The following JRK variants were observed in gnomAD, a reference collection of about 807,000 sequenced individuals.
JRK encodes jerky protein homolog.
For synonymous variants in JRK, 303 were observed against 218.1 expected, an observed-to-expected ratio of 1.39 and a Z score of -3.43; for missense variants, 720 against 509.2, an observed-to-expected ratio of 1.41 and a Z score of -3.98.
chr8:142,651,656 G>GA, the JRK span, among the ~76,000 whole-genome samples: 8 of 151,604 alleles, frequency 5.3e-5, no homozygotes, highest in Non-Finnish European at 8.8e-5. Flanking sequence ...AACCCAATGG[G>GA]AAAAAGACTG....
downstream of JRK, among the ~76,000 whole-genome samples, chr8:142,656,400 T>C (rs1253159294): frequency 6.6e-6 from 1 of 152,212 alleles, no homozygotes; most frequent in Non-Finnish European, 1.5e-5. Context: ...TTGAAAGTGT[T>C]GCAAAGCTCT....
rs1168131452 is a variant in JRK at position 142,663,873 on chromosome 8, C to A, written c.*479G>T. 1.0e-6 allele frequency: 1 copy of A among 989,436 alleles called. No homozygotes were observed. Among genetic ancestry groups the A allele is most frequent in the Admixed American group, 6.1e-5 (1 of 16,464 alleles). The allele number at this position is 989,436 out of a possible 1,614,324, so 61.3% of individuals were successfully genotyped here. ...AACCGTGCTCGGGGTCCACCCAACA[C>A]GGGGATGGCCGCCAGCCCAGCAGAT... is the stretch of plus-strand genomic sequence containing the variant. On this transcript the variant is annotated 3_prime_UTR_variant, in exon 2 of 2. Coordinates refer to ENST00000612905, the MANE Select transcript of JRK (RefSeq NM_003724.4).
In JRK at chr8:142,665,268, T is replaced by C; in HGVS notation, c.791A>G (p.Lys264Arg). ...YKAQGNAWVD[K>R]EIFSDWFHHI... The stretch of plus-strand genomic sequence containing the variant: ...ATGGAACCAATCGGAAAAAATCTCC[T>C]TGTCCACCCAGGCGTTCCCCTGGGC... Residue 264 changes from lysine (K) to arginine (R), a missense_variant, in exon 2 of 2, where the codon AAG becomes AGG. Transcript: ENST00000612905. 1 of 717,896 alleles carries C rather than the reference T, an allele frequency of 1.4e-6. No individual in the cohort carries two copies. The highest frequency in any genetic ancestry group is 2.6e-6 in the Non-Finnish European group (1 of 385,088). The allele number at this position is 717,896 out of a possible 1,614,324, so 44.5% of individuals were successfully genotyped here. A position where few individuals can be genotyped will look rare whatever the true frequency, so the allele number is the denominator to read the frequency against.
At position 142,657,668 on chromosome 8, in the gene JRK, T is replaced by C. The variant is rs868952312; in HGVS notation, c.*6684A>G. On this transcript the variant is annotated 3_prime_UTR_variant, in exon 2 of 2. Coordinates refer to ENST00000612905, the MANE Select transcript of JRK (RefSeq NM_003724.4). Reference sequence around the variant, plus strand: ...TTTAACAAACAGTTCTCACAGAAACTAATCAAGTGAGAACTCACTTGTTAC... The same window carrying C: ...TTTAACAAACAGTTCTCACAGAAACCAATCAAGTGAGAACTCACTTGTTAC... 1 of 152,216 alleles carries C rather than the reference T, an allele frequency of 6.6e-6. No homozygotes were observed. Among genetic ancestry groups the C allele is most frequent in the African/African-American group, 2.4e-5 (1 of 41,438 alleles). The allele number at this position is 152,216 out of a possible 1,614,324, so 9.4% of individuals were successfully genotyped here.
chr8:142,668,545 A>G (rs1280390040), intron 1 of JRK, among the ~76,000 whole-genome samples: 1 of 151,688 alleles, frequency 6.6e-6, no homozygotes, highest in Non-Finnish European at 1.5e-5. Context: ...CGCTGTAGAA[A>G]AACTGGGGGA....
At chr8:142,647,514 AT>A in the JRK span, among the ~76,000 whole-genome samples, 7 of 152,110 alleles carry the variant, frequency 4.6e-5, no homozygotes, top group East Asian at 1.4e-3. Flanking sequence ...CTCTCATGAG[AT>A]TTGATGGTTT....
rs375423712 is a variant in JRK at position 142,662,381 on chromosome 8, T to C, written c.*1971A>G. On this transcript the variant is annotated 3_prime_UTR_variant, in exon 2 of 2. Transcript: ENST00000612905. Reference sequence around the variant, plus strand: ...CCTCGGGACATGTTCTAACCTCCTGTGTTGCCTCAAGCAGCTGCAATCCAG... The same window carrying C: ...CCTCGGGACATGTTCTAACCTCCTGCGTTGCCTCAAGCAGCTGCAATCCAG... 3.0e-6 allele frequency: 3 copies of C among 985,426 alleles called. No homozygotes were observed. Among genetic ancestry groups the C allele is most frequent in the Non-Finnish European group, 3.6e-6 (3 of 829,960 alleles). The allele number at this position is 985,426 out of a possible 1,614,324, so 61.0% of individuals were successfully genotyped here. A position where few individuals can be genotyped will look rare whatever the true frequency, so the allele number is the denominator to read the frequency against.
rs1346466379 is a variant in JRK, at chr8:142,665,259, A to G, written c.800T>C (p.Phe267Ser). 1 of 717,816 alleles carries G rather than the reference A, an allele frequency of 1.4e-6. No homozygotes were observed. Among genetic ancestry groups the G allele is most frequent in the Admixed American group, 2.0e-5 (1 of 50,002 alleles). The allele number at this position is 717,816 out of a possible 1,614,324, so 44.5% of individuals were successfully genotyped here. The change falls in exon 2 of 2, where the codon TTT (phenylalanine) becomes TCT (serine). Residue 267 changes from phenylalanine to serine, a missense_variant. By Grantham distance (155) the Phe-to-Ser change is radical. Transcript: ENST00000612905. Reference sequence around the variant, plus strand: ...AAAGATATGATGGAACCAATCGGAAAAAATCTCCTTGTCCACCCAGGCGTT... The same window carrying G: ...AAAGATATGATGGAACCAATCGGAAGAAATCTCCTTGTCCACCCAGGCGTT... ...QGNAWVDKEI[F>S]SDWFHHIFVP...
rs920017513 is a variant in JRK, at chr8:142,664,202, G to A, written c.*150C>T. On this transcript the variant is annotated 3_prime_UTR_variant, in exon 2 of 2. Coordinates refer to ENST00000612905, the MANE Select transcript of JRK (RefSeq NM_003724.4). Reference sequence around the variant, plus strand: ...CGGGCACAGACCGTCCTGGGCACCCGAGCCACACCCGTGGGCGACCCACTC... The same window carrying A: ...CGGGCACAGACCGTCCTGGGCACCCAAGCCACACCCGTGGGCGACCCACTC... 3.2e-5 allele frequency: 44 copies of A among 1,395,194 alleles called. No homozygotes were observed. Among genetic ancestry groups the A allele is most frequent in the Admixed American group, 9.3e-5 (3 of 32,132 alleles). 86.4% of individuals were successfully genotyped at this position (1,395,194 alleles called of 1,614,324 possible). A position where few individuals can be genotyped will look rare whatever the true frequency, so the allele number is the denominator to read the frequency against.
Position 142,660,263 on chromosome 8 carries a change from T to C in JRK, c.*4089A>G, listed in dbSNP as rs1285595583. 2 of 985,828 alleles carry C rather than the reference T, an allele frequency of 2.0e-6. No homozygotes were observed. The highest frequency in any genetic ancestry group is 2.3e-4 in the East Asian group (2 of 8,816). The allele number at this position is 985,828 out of a possible 1,614,324, so 61.1% of individuals were successfully genotyped here. A position where few individuals can be genotyped will look rare whatever the true frequency, so the allele number is the denominator to read the frequency against. Reference sequence around the variant, plus strand: ...GTAAGCAGCAGAAGTGCAGAAGCCCTGCCCAGGCCCTGCCTCCCAGGCCAC... The same window carrying C: ...GTAAGCAGCAGAAGTGCAGAAGCCCCGCCCAGGCCCTGCCTCCCAGGCCAC... On this transcript the variant is annotated 3_prime_UTR_variant, in exon 2 of 2. Coordinates refer to ENST00000612905, the MANE Select transcript of JRK (RefSeq NM_003724.4).
In JRK at chr8:142,666,202, A is replaced by G; in HGVS notation, c.-144T>C. 1.4e-6 allele frequency: 2 copies of G among 1,417,788 alleles called. No individual in the cohort carries two copies. The highest frequency in any genetic ancestry group is 2.5e-4 in the Middle Eastern group (1 of 4,064). 87.8% of individuals were successfully genotyped at this position (1,417,788 alleles called of 1,614,324 possible). A position where few individuals can be genotyped will look rare whatever the true frequency, so the allele number is the denominator to read the frequency against. ...TGCCTGCTCTGCTGATCCTGAGCAC[A>G]GGCCCCAGTCCCTCTCGGGTTTCTC... On this transcript the variant is annotated 5_prime_UTR_variant, in exon 2 of 2. Transcript: ENST00000612905.
intron 1 of JRK, among the ~76,000 whole-genome samples, chr8:142,668,691 G>A (rs1554636668): frequency 9.9e-5 from 15 of 151,706 alleles, no homozygotes. Context: ...GGTGTAGCAG[G>A]ATGACACAAA....
the JRK span, among the ~76,000 whole-genome samples, chr8:142,647,069 G>A: frequency 6.6e-6 from 1 of 152,162 alleles, no homozygotes; most frequent in Non-Finnish European, 1.5e-5. Flanking sequence ...GATTAAAGAT[G>A]CATGCCAAAT....
chr8:142,662,018 C>T lies in JRK; in HGVS notation c.*2334G>A. On this transcript the variant is annotated 3_prime_UTR_variant, in exon 2 of 2. Transcript: ENST00000612905. Reference sequence around the variant, plus strand: ...AGCGAGCCCAGGTGAGGAGGGGCTGCAGGAGGAGCAGGGCCCGAGTCCCCT... The same window carrying T: ...AGCGAGCCCAGGTGAGGAGGGGCTGTAGGAGGAGCAGGGCCCGAGTCCCCT... 2.0e-6 allele frequency: 2 copies of T among 985,462 alleles called. No individual in the cohort carries two copies. The highest frequency in any genetic ancestry group is 2.4e-6 in the Non-Finnish European group (2 of 829,994). 61.0% of individuals were successfully genotyped at this position (985,462 alleles called of 1,614,324 possible).
the JRK span, among the ~76,000 whole-genome samples, chr8:142,645,408 G>A: frequency 0.015 from 2,336 of 152,174 alleles, 59 homozygotes; most frequent in African/African-American, 0.052. Context: ...GGCTGGGCAC[G>A]ATGGCTCATG....
At chr8:142,651,664 C>G in the JRK span, among the ~76,000 whole-genome samples, 1 of 151,432 alleles carries the variant, frequency 6.6e-6, no homozygotes, top group African/African-American at 2.4e-5. Flanking sequence ...GGGAAAAAGA[C>G]TGAAACAACA....
In JRK at chr8:142,664,783, A is replaced by T; in HGVS notation, c.1276T>A (p.Ser426Thr). 6.3e-7 allele frequency: 1 copy of T among 1,590,538 alleles called. No homozygotes were observed. Among genetic ancestry groups the T allele is most frequent in the Non-Finnish European group, 8.6e-7 (1 of 1,169,298 alleles). The change falls in exon 2 of 2, where the codon TCC becomes ACC. Residue 426 changes from serine to threonine, a missense_variant. Transcript: ENST00000612905. The stretch of plus-strand genomic sequence containing the variant: ...TGGCGAAGCTGGCCCGGGCAGGAGG[A>T]GCCTTCCTTCACAAGCTCCAGGATG... ...AHILELVKEG[S>T]SCPGQLRQRQ...
intron 1 of JRK, among the ~76,000 whole-genome samples, chr8:142,668,223 G>A (rs1554636566): frequency 6.6e-6 from 1 of 152,256 alleles, no homozygotes; most frequent in East Asian, 1.9e-4. Context: ...TACATGTGGA[G>A]CGCAGAAACG....
Position 142,666,255 on chromosome 8 carries a change from G to A in JRK, c.-197C>T. 1 of 892,428 alleles carries A rather than the reference G, an allele frequency of 1.1e-6. No homozygotes were observed. The highest frequency in any genetic ancestry group is 2.7e-5 in the East Asian group (1 of 37,348). The allele number at this position is 892,428 out of a possible 1,614,324, so 55.3% of individuals were successfully genotyped here. On this transcript the variant is annotated 5_prime_UTR_variant, in exon 2 of 2. Transcript: ENST00000612905. ...TCCACACGCTGCACCTCCTGCCTCA[G>A]GTATCCCTGGTCTTCCAGGCTCCAC...
Sources: allele counts gnomAD v4.1 joint callset (sites outside exome capture counted in the v4.1 genomes callset), GRCh38; gene constraint gnomAD v4.1.1; transcripts MANE v1.5; gene names NCBI Gene and HGNC (gene_info 2026-07-23, HGNC 2026-07-21).